The following LRRTM4 variants were observed in gnomAD, a reference collection of about 807,000 sequenced individuals.
LRRTM4 encodes the protein leucine rich repeat transmembrane neuronal 4, also known as leucine-rich repeat transmembrane neuronal protein 4.
In LRRTM4, 25 loss-of-function variants were observed where a neutral mutation model predicts 47.6. The ratio of observed to expected loss-of-function variants is 0.53; its 90% CI spans 0.38 to 0.73. The LOEUF (loss-of-function observed/expected upper bound fraction) is 0.73, where lower values mean the gene tolerates loss of function less well. Among genes scored for constraint, LRRTM4 ranks in the 30% least tolerant of loss-of-function variants. LRRTM4 has a pLI of 0.00. For synonymous variants in LRRTM4, 311 were observed against 269.5 expected (o/e 1.15, Z -1.51); for missense variants, 638 against 713.4 (o/e 0.89, Z 1.20).
At chr2:76,974,459 T>G (rs1676349720) in intron 3 of LRRTM4, among the ~76,000 whole-genome samples, 1 of 150,954 alleles carries the variant, frequency 6.6e-6, no homozygotes, top group African/African-American at 2.4e-5. Flanking sequence ...ATGGAACATT[T>G]TATAATATTA....
intron 3 of LRRTM4, among the ~76,000 whole-genome samples, chr2:76,880,059 C>G (rs974341998): frequency 1.8e-4 from 28 of 152,192 alleles, no homozygotes; most frequent in African/African-American, 6.8e-4. Context: ...GGAATCTACT[C>G]TTGGTGAAGA....
At chr2:76,812,780 C>CCTCCTCTCCCTCCCCCCTTCCTT (rs1670781447) in intron 3 of LRRTM4, among the ~76,000 whole-genome samples, 1 of 121,744 alleles carries the variant, frequency 8.2e-6, no homozygotes, top group African/African-American at 3.2e-5. Flanking sequence ...CCCTCCCCCT[C>CCTCCTCTCCCTCCCCCCTTCCTT]CTCCTCTCCC....
intron 3 of LRRTM4, among the ~76,000 whole-genome samples, chr2:76,843,708 TGGAGAAGGTTGA>T (rs1234941797): frequency 6.6e-6 from 1 of 152,074 alleles, no homozygotes; most frequent in East Asian, 1.9e-4. Context: ...GGAAGGGAGT[TGGAGAAGGTTGA>T]GGATGGGCCA....
rs576149725 is a variant in LRRTM4, at chr2:77,300,338, A to C, written c.1551+217980T>G. Among the ~76,000 whole-genome samples the C allele has an allele frequency of 2.7e-3, 415 of 152,262 alleles. 3 individuals carry two copies. Among genetic ancestry groups the C allele is most frequent in the African/African-American group, 9.8e-3 (407 of 41,556 alleles). ...TCTTTAATGCTACTATCTAGGTGAA[A>C]AATTAGAAATATTTTAAACTTTGGT... On this transcript the variant is annotated intron_variant, in intron 3 of 3. Transcript: ENST00000409884.
chr2:76,900,890 T>G (rs1186281287), intron 3 of LRRTM4, among the ~76,000 whole-genome samples: 2 of 152,168 alleles, frequency 1.3e-5, no homozygotes, highest in Admixed American at 6.5e-5. Flanking sequence ...TAATGTTGAT[T>G]AGAAGTACCA....
At chr2:77,032,351 T>C (rs1678690005) in intron 3 of LRRTM4, among the ~76,000 whole-genome samples, 1 of 152,166 alleles carries the variant, frequency 6.6e-6, no homozygotes, top group Non-Finnish European at 1.5e-5. Flanking sequence ...CTTATTCTAT[T>C]TCCCTGTTAA....
intron 3 of LRRTM4, among the ~76,000 whole-genome samples, chr2:76,947,424 G>A (rs1675358029): frequency 6.6e-6 from 1 of 151,792 alleles, no homozygotes; most frequent in Non-Finnish European, 1.5e-5. Context: ...ATGAGGAATA[G>A]TCATTATACA....
intron 3 of LRRTM4, among the ~76,000 whole-genome samples, chr2:77,242,421 C>T (rs1383695640): frequency 6.6e-6 from 1 of 151,952 alleles, no homozygotes; most frequent in Non-Finnish European, 1.5e-5. Context: ...ATCATATATC[C>T]GATAAGACAT....
At chr2:77,019,321 T>C (rs1573458968) in intron 3 of LRRTM4, among the ~76,000 whole-genome samples, 2 of 151,880 alleles carry the variant, frequency 1.3e-5, no homozygotes, top group South Asian at 2.1e-4. Context: ...ACTGATATCT[T>C]TGCCATTGTT....
intron 3 of LRRTM4, among the ~76,000 whole-genome samples, chr2:77,303,778 T>C (rs796353799): frequency 5.9e-5 from 9 of 152,340 alleles, no homozygotes; most frequent in African/African-American, 2.2e-4. Flanking sequence ...TTGTCACAAA[T>C]GACATGATTT....
At chr2:77,090,471 C>T (rs1457606038) in intron 3 of LRRTM4, among the ~76,000 whole-genome samples, 1 of 152,168 alleles carries the variant, frequency 6.6e-6, no homozygotes, top group African/African-American at 2.4e-5. Flanking sequence ...GGCCCTCAAA[C>T]CCCACAACAG....
intron 3 of LRRTM4, among the ~76,000 whole-genome samples, chr2:77,296,555 T>G (rs1676979391): frequency 6.6e-6 from 1 of 152,220 alleles, no homozygotes; most frequent in African/African-American, 2.4e-5. Flanking sequence ...TCTTTTTCCT[T>G]ATAACTTCTA....
intron 3 of LRRTM4, among the ~76,000 whole-genome samples, chr2:76,768,288 C>A (rs2104103481): frequency 6.6e-6 from 1 of 152,260 alleles, no homozygotes; most frequent in Admixed American, 6.5e-5. Flanking sequence ...GTAACTTCTT[C>A]TATCTATTTT....
At chr2:76,811,447 G>C (rs1670730016) in intron 3 of LRRTM4, among the ~76,000 whole-genome samples, 2 of 152,130 alleles carry the variant, frequency 1.3e-5, no homozygotes, top group African/African-American at 4.8e-5. Flanking sequence ...ACTCTTGGGA[G>C]GAAATCAAGC....
chr2:77,472,400 G>C (rs1677225442), intron 3 of LRRTM4, among the ~76,000 whole-genome samples: 1 of 152,096 alleles, frequency 6.6e-6, no homozygotes, highest in East Asian at 1.9e-4. Flanking sequence ...GTTACCAGAG[G>C]CTCACAGGAA....
At chr2:76,949,281 C>A (rs1476104567) in intron 3 of LRRTM4, among the ~76,000 whole-genome samples, 3 of 151,824 alleles carry the variant, frequency 2.0e-5, no homozygotes, top group African/African-American at 7.3e-5. Context: ...AAGTTTCTGG[C>A]TCTTTCACAT....
chr2:77,210,757 C>T (rs1244858164), intron 3 of LRRTM4, among the ~76,000 whole-genome samples: 1 of 152,084 alleles, frequency 6.6e-6, no homozygotes, highest in African/African-American at 2.4e-5. Flanking sequence ...GTTTGAAGTT[C>T]CACCTGAGGC....
chr2:76,993,010 T>C (rs1023975228), intron 3 of LRRTM4, among the ~76,000 whole-genome samples: 2 of 151,564 alleles, frequency 1.3e-5, no homozygotes, highest in Non-Finnish European at 3.0e-5. Context: ...TCAACCGAAA[T>C]AAGCAGTGGG....
chr2:76,866,218 C>T (rs1019465281), intron 3 of LRRTM4, among the ~76,000 whole-genome samples: 1 of 152,156 alleles, frequency 6.6e-6, no homozygotes, highest in Admixed American at 6.5e-5. Flanking sequence ...TTGAGAGTCA[C>T]GAAACATTTC....
Sources: allele counts gnomAD v4.1 joint callset (sites outside exome capture counted in the v4.1 genomes callset), GRCh38; gene constraint gnomAD v4.1.1; transcripts MANE v1.5; gene names NCBI Gene and HGNC (gene_info 2026-07-23, HGNC 2026-07-21).